Variants in PHACTR1 observed in about 807,000 individuals in gnomAD.
PHACTR1 encodes the protein phosphatase and actin regulator 1, also known as RPEL repeat containing 1.
Under a neutral mutation model 69.2 loss-of-function variants are expected in PHACTR1, and 16 were observed. The observed-to-expected ratio is 0.23, with a 90% CI of 0.16 to 0.35. The LOEUF (loss-of-function observed/expected upper bound fraction) is 0.35. PHACTR1 is among the 10% of genes least tolerant of loss of function. The pLI is 1.00. For missense variants in PHACTR1, 510 were observed against 734.7 expected, an observed-to-expected ratio of 0.69 and a Z score of 3.54; for synonymous variants, 312 against 284.5, an observed-to-expected ratio of 1.10 and a Z score of -0.97.
At chr6:12,846,313 A>C (rs1779258831) in intron 4 of PHACTR1, among the ~76,000 whole-genome samples, 1 of 152,214 alleles carries the variant, frequency 6.6e-6, no homozygotes, top group Admixed American at 6.5e-5. Context: ...CTATTCTGTA[A>C]ATGGAAAATT....
chr6:13,175,701 T>C (rs1297497658), intron 6 of PHACTR1, among the ~76,000 whole-genome samples: 1 of 152,238 alleles, frequency 6.6e-6, no homozygotes, highest in East Asian at 1.9e-4. Flanking sequence ...GTCTCCAGAC[T>C]GTTAAGGATT....
At chr6:12,978,874 A>G (rs528916441) in intron 4 of PHACTR1, among the ~76,000 whole-genome samples, 1 of 152,324 alleles carries the variant, frequency 6.6e-6, no homozygotes, top group Admixed American at 6.5e-5. Context: ...GAGTTGTTTG[A>G]CCACCAGGAT....
chr6:12,870,927 G>A (rs1408967695), intron 4 of PHACTR1, among the ~76,000 whole-genome samples: 1 of 152,180 alleles, frequency 6.6e-6, no homozygotes, highest in Non-Finnish European at 1.5e-5. Context: ...GGGGAAAGTA[G>A]TTAATCCTCA....
intron 5 of PHACTR1, among the ~76,000 whole-genome samples, chr6:13,067,102 T>C (rs1583210566): frequency 1.3e-5 from 2 of 152,314 alleles, no homozygotes; most frequent in East Asian, 1.9e-4. Flanking sequence ...GCTTCAACAA[T>C]GTTACACTGA....
At chr6:13,181,769 C>G (rs1038830979) in intron 6 of PHACTR1, among the ~76,000 whole-genome samples, 2 of 152,096 alleles carry the variant, frequency 1.3e-5, no homozygotes, top group Non-Finnish European at 2.9e-5. Flanking sequence ...AGGGTGGAGG[C>G]AAACAGAAGA....
intron 10 of PHACTR1, among the ~76,000 whole-genome samples, chr6:13,271,690 TTTTG>T (rs747716362): frequency 2.7e-4 from 41 of 152,192 alleles, no homozygotes; most frequent in Non-Finnish European, 4.4e-4. Flanking sequence ...GACTATTGTT[TTTTG>T]TTTGTTTTTT....
At chr6:12,726,568 A>G (rs1014967492) in intron 3 of PHACTR1, among the ~76,000 whole-genome samples, 1 of 152,198 alleles carries the variant, frequency 6.6e-6, no homozygotes, top group Non-Finnish European at 1.5e-5. Flanking sequence ...CTGGAAACAC[A>G]CACGTTGAGA....
chr6:12,886,461 A>G (rs907732369), intron 4 of PHACTR1, among the ~76,000 whole-genome samples: 3 of 152,332 alleles, frequency 2.0e-5, no homozygotes, highest in East Asian at 3.9e-4. Context: ...ATTTTTTCAT[A>G]TTAAATGTTC....
intron 4 of PHACTR1, among the ~76,000 whole-genome samples, chr6:12,890,897 G>A (rs1784109600): frequency 6.6e-6 from 1 of 152,048 alleles, no homozygotes. Flanking sequence ...CCTCACTGAT[G>A]TAAGTTTGAT....
At chr6:13,286,823 TG>T (rs902052452) in intron 14 of PHACTR1, among the ~76,000 whole-genome samples, 64 of 152,220 alleles carry the variant, frequency 4.2e-4, no homozygotes, top group African/African-American at 1.4e-3. Flanking sequence ...AGACACAGAT[TG>T]GGTTCTGCAC....
At chr6:13,276,123 T>TAAAAAAAAAA (rs35379959) in intron 11 of PHACTR1, 2 of 143,076 alleles carry the variant, frequency 1.4e-5, no homozygotes, top group Non-Finnish European at 3.0e-5. Context: ...AAATTTGCAT[T>TAAAAAAAAAA]AAAAAAAAAA....
chr6:12,838,769 A>G (rs1778413538), intron 4 of PHACTR1, among the ~76,000 whole-genome samples: 1 of 152,208 alleles, frequency 6.6e-6, no homozygotes, highest in Admixed American at 6.5e-5. Context: ...TCCCCTAAGT[A>G]TGGTTAAAAA....
At chr6:13,278,452 T>A in intron 12 of PHACTR1, 123 bp downstream of exon 12, 1 of 801,610 alleles carries the variant, frequency 1.2e-6, no homozygotes. Context: ...TGTCAGAGAG[T>A]GCCACTCTCT....
chr6:12,879,179 G>C (rs1474577953), intron 4 of PHACTR1, among the ~76,000 whole-genome samples: 1 of 152,206 alleles, frequency 6.6e-6, no homozygotes. Context: ...ACAATCATCT[G>C]AGCAAGAAAT....
At chr6:13,170,494 T>A (rs1760444402) in intron 6 of PHACTR1, among the ~76,000 whole-genome samples, 1 of 152,172 alleles carries the variant, frequency 6.6e-6, no homozygotes, top group Non-Finnish European at 1.5e-5. Context: ...CCCCAGCCAC[T>A]GACATGCATT....
chr6:13,176,137 T>C (rs1269307794), intron 6 of PHACTR1, among the ~76,000 whole-genome samples: 1 of 152,188 alleles, frequency 6.6e-6, no homozygotes, highest in Non-Finnish European at 1.5e-5. Flanking sequence ...AACCAAGCTA[T>C]TATTGTTTTA....
intron 6 of PHACTR1, among the ~76,000 whole-genome samples, chr6:13,165,689 G>C (rs1347978427): frequency 1.3e-5 from 2 of 152,168 alleles, no homozygotes; most frequent in African/African-American, 4.8e-5. Flanking sequence ...GACCTCTTGT[G>C]GGAGGTGATA....
chr6:13,005,035 T>C (rs1413550408), intron 4 of PHACTR1, among the ~76,000 whole-genome samples: 1 of 151,766 alleles, frequency 6.6e-6, no homozygotes, highest in Non-Finnish European at 1.5e-5. Context: ...AAATTTTTTA[T>C]TAATAAAAAG....
chr6:13,039,614 A>G (rs1289030877), intron 4 of PHACTR1, among the ~76,000 whole-genome samples: 1 of 152,212 alleles, frequency 6.6e-6, no homozygotes, highest in Non-Finnish European at 1.5e-5. Context: ...AGCTCATGTC[A>G]TTAACCCACC....
Sources: gnomAD v4.1 joint callset for allele counts (sites outside exome capture counted in the v4.1 genomes callset) on GRCh38, gnomAD v4.1.1 for gene constraint, MANE v1.5 for transcripts, NCBI Gene and HGNC (gene_info 2026-07-23, HGNC 2026-07-21) for gene names.